GALNT17: variants seen among roughly 807,000 people sequenced by gnomAD.
The protein encoded by GALNT17 is polypeptide N-acetylgalactosaminyltransferase 17, also known as UDP-GalNAc:polypeptide N-acetylgalactosaminyltransferase-like 3.
In GALNT17, 29 loss-of-function variants were observed where a neutral mutation model predicts 63.7. That is an observed-to-expected ratio of 0.46 (90% CI 0.34 to 0.62). The LOEUF is 0.62. Among genes scored for constraint, GALNT17 ranks in the 20% least tolerant of loss-of-function variants. The pLI, the probability that GALNT17 is intolerant of heterozygous loss-of-function variation, is 0.01. For missense variants in GALNT17, 603 were observed against 799.6 expected (o/e 0.75, Z 2.97); for synonymous variants, 305 against 318.3 (o/e 0.96, Z 0.45).
chr7:71,371,410 T>C (rs951963994), intron 2 of GALNT17, among the ~76,000 whole-genome samples: 11 of 152,166 alleles, frequency 7.2e-5, no homozygotes, highest in Non-Finnish European at 1.6e-4. Flanking sequence ...CATGAAGTTC[T>C]ACCTGTTTTT....
chr7:71,410,551 A>C (rs1416200417), intron 3 of GALNT17, among the ~76,000 whole-genome samples: 1 of 152,176 alleles, frequency 6.6e-6, no homozygotes, highest in Non-Finnish European at 1.5e-5. Flanking sequence ...CAGCCTCCTG[A>C]TTAATTTTAT....
At chr7:71,318,756 G>A (rs983631871) in intron 1 of GALNT17, among the ~76,000 whole-genome samples, 1 of 152,084 alleles carries the variant, frequency 6.6e-6, no homozygotes, top group African/African-American at 2.4e-5. Context: ...ATGGAAACTG[G>A]CATTTCAACC....
At chr7:71,367,114 C>A (rs1462087739) in intron 2 of GALNT17, among the ~76,000 whole-genome samples, 3 of 152,098 alleles carry the variant, frequency 2.0e-5, no homozygotes, top group African/African-American at 7.2e-5. Flanking sequence ...CAAGCAATAC[C>A]TTTGATCAAT....
At chr7:71,675,202 G>T (rs943696784) in intron 8 of GALNT17, among the ~76,000 whole-genome samples, 3 of 151,828 alleles carry the variant, frequency 2.0e-5, no homozygotes, top group Non-Finnish European at 4.4e-5. Flanking sequence ...AAATAAAAAA[G>T]AAGCTCTCCT....
intron 1 of GALNT17, among the ~76,000 whole-genome samples, chr7:71,236,218 C>T (rs371102168): frequency 3.9e-5 from 6 of 151,918 alleles, no homozygotes; most frequent in African/African-American, 1.5e-4. Context: ...AAAATCTACT[C>T]TCTTAGGAAA....
At chr7:71,448,976 TG>T (rs1263681988) in intron 5 of GALNT17, among the ~76,000 whole-genome samples, 10 of 152,180 alleles carry the variant, frequency 6.6e-5, no homozygotes, top group African/African-American at 2.4e-4. Flanking sequence ...TTTCTTGACT[TG>T]GGTGATGGTT....
chr7:71,457,491 A>G (rs1787376036), intron 5 of GALNT17, among the ~76,000 whole-genome samples: 1 of 152,218 alleles, frequency 6.6e-6, no homozygotes, highest in Non-Finnish European at 1.5e-5. Flanking sequence ...AAGTAAAGGA[A>G]TAAAAGAATG....
At chr7:71,346,150 C>T (rs1231508183) in intron 2 of GALNT17, among the ~76,000 whole-genome samples, 1 of 151,798 alleles carries the variant, frequency 6.6e-6, no homozygotes, top group African/African-American at 2.4e-5. Context: ...TATGATCGTG[C>T]CACTGCACCC....
intron 5 of GALNT17, among the ~76,000 whole-genome samples, chr7:71,450,579 G>A (rs1787243464): frequency 6.6e-6 from 1 of 152,164 alleles, no homozygotes; most frequent in African/African-American, 2.4e-5. Context: ...ATAATTAAAT[G>A]GTTTTTAGTA....
At chr7:71,426,729 A>C (rs1786767169) in intron 5 of GALNT17, among the ~76,000 whole-genome samples, 1 of 152,072 alleles carries the variant, frequency 6.6e-6, no homozygotes, top group South Asian at 2.1e-4. Flanking sequence ...AGACCAGCCT[A>C]GCCAACATGG....
intron 5 of GALNT17, among the ~76,000 whole-genome samples, chr7:71,564,085 G>A (rs1451194589): frequency 6.6e-6 from 1 of 151,828 alleles, no homozygotes; most frequent in East Asian, 1.9e-4. Flanking sequence ...TAGCCACGTG[G>A]CAGGGGTCTT....
intron 2 of GALNT17, among the ~76,000 whole-genome samples, chr7:71,373,991 A>G (rs1322192031): frequency 6.6e-6 from 1 of 152,218 alleles, no homozygotes; most frequent in Non-Finnish European, 1.5e-5. Flanking sequence ...TTTCAGGTGC[A>G]ATGTTGAAAT....
intron 5 of GALNT17, among the ~76,000 whole-genome samples, chr7:71,570,862 C>T (rs1789428672): frequency 6.6e-6 from 1 of 152,096 alleles, no homozygotes; most frequent in African/African-American, 2.4e-5. Context: ...CCTGTAATCC[C>T]AGCTACTCAG....
chr7:71,435,889 G>A (rs188944923), intron 5 of GALNT17, among the ~76,000 whole-genome samples: 5 of 152,012 alleles, frequency 3.3e-5, no homozygotes, highest in Admixed American at 6.6e-5. Flanking sequence ...GCGTGGTGGC[G>A]GACGCCTGTA....
chr7:71,513,627 T>G (rs533247292), intron 5 of GALNT17, among the ~76,000 whole-genome samples: 1 of 152,172 alleles, frequency 6.6e-6, no homozygotes, highest in African/African-American at 2.4e-5. Context: ...CTCAAGTGAT[T>G]CGCCCACTTC....
chr7:71,270,538 CAAAAA>C (rs573250852), intron 1 of GALNT17, among the ~76,000 whole-genome samples: 4 of 89,206 alleles, frequency 4.5e-5, no homozygotes, highest in African/African-American at 9.3e-5. Flanking sequence ...CCCACCCCAC[CAAAAA>C]AAAAAAAAAA....
chr7:71,696,939 T>C (rs1399696278), intron 9 of GALNT17, among the ~76,000 whole-genome samples: 1 of 152,098 alleles, frequency 6.6e-6, no homozygotes, highest in Non-Finnish European at 1.5e-5. Flanking sequence ...AAGACACATT[T>C]ATAAAATACG....
chr7:71,211,359 C>T (rs2116392913), intron 1 of GALNT17, among the ~76,000 whole-genome samples: 1 of 152,314 alleles, frequency 6.6e-6, no homozygotes, highest in Admixed American at 6.5e-5. Context: ...TAAGATGCGG[C>T]ATGTGCCTTT....
chr7:71,229,058 A>G (rs1365939055), intron 1 of GALNT17, among the ~76,000 whole-genome samples: 2 of 152,270 alleles, frequency 1.3e-5, no homozygotes, highest in East Asian at 3.9e-4. Flanking sequence ...GCCGCCTGGG[A>G]TATGCTTCCT....
Sources: gnomAD v4.1 joint callset for allele counts (sites outside exome capture counted in the v4.1 genomes callset) on GRCh38, gnomAD v4.1.1 for gene constraint, MANE v1.5 for transcripts, NCBI Gene and HGNC (gene_info 2026-07-23, HGNC 2026-07-21) for gene names.